The following DTNBP1 variants were observed in gnomAD, a reference collection of about 807,000 sequenced individuals.
DTNBP1 encodes dysbindin.
Under a neutral mutation model 42.8 loss-of-function variants are expected in DTNBP1, and 35 were observed. The observed-to-expected ratio is 0.82, with a 90% CI of 0.63 to 1.09. The LOEUF is 1.09. Ranked by LOEUF, DTNBP1 falls within the 50% of genes least tolerant of loss-of-function variation. The pLI is 0.00. For missense variants in DTNBP1, 457 were observed against 424.2 expected, an observed-to-expected ratio of 1.08 and a Z score of -0.68; for synonymous variants, 171 against 162.2, an observed-to-expected ratio of 1.05 and a Z score of -0.41.
chr6:15,579,070 A>G (rs532286601), intron 7 of DTNBP1, among the ~76,000 whole-genome samples: 2 of 152,390 alleles, frequency 1.3e-5, no homozygotes, highest in South Asian at 4.1e-4. Flanking sequence ...AAAGAAAATC[A>G]GTATTTTGAT....
intron 7 of DTNBP1, among the ~76,000 whole-genome samples, chr6:15,555,985 G>A (rs1013869760): frequency 1.3e-5 from 2 of 152,116 alleles, no homozygotes; most frequent in African/African-American, 4.8e-5. Context: ...AGAATAGACT[G>A]CAGCACTAAT....
intron 6 of DTNBP1, among the ~76,000 whole-genome samples, chr6:15,601,954 C>T (rs896401664): frequency 5.9e-5 from 9 of 151,864 alleles, no homozygotes; most frequent in Non-Finnish European, 2.9e-5. Flanking sequence ...AAATGTCCCT[C>T]TTTGAAATCC....
chr6:15,643,375 G>C (rs1268699800), intron 3 of DTNBP1, among the ~76,000 whole-genome samples: 1 of 152,106 alleles, frequency 6.6e-6, no homozygotes, highest in Non-Finnish European at 1.5e-5. Context: ...ACATATTTGA[G>C]GGAATAATCC....
intron 7 of DTNBP1, among the ~76,000 whole-genome samples, chr6:15,575,443 C>G (rs759867719): frequency 3.3e-5 from 5 of 152,204 alleles, no homozygotes; most frequent in African/African-American, 1.2e-4. Flanking sequence ...CACAGAACAA[C>G]TTCTCTTTAA....
chr6:15,660,866 T>A (rs982630035), intron 1 of DTNBP1, among the ~76,000 whole-genome samples: 1 of 152,118 alleles, frequency 6.6e-6, no homozygotes, highest in African/African-American at 2.4e-5. Flanking sequence ...AGGAATTCCA[T>A]GAAGTACTAA....
At chr6:15,584,252 T>C (rs1308863391) in intron 7 of DTNBP1, among the ~76,000 whole-genome samples, 2 of 152,138 alleles carry the variant, frequency 1.3e-5, no homozygotes, top group Non-Finnish European at 2.9e-5. Flanking sequence ...AGCAATTTCT[T>C]AGATGAATGA....
At chr6:15,569,953 G>A (rs1474660104) in intron 7 of DTNBP1, among the ~76,000 whole-genome samples, 3 of 151,936 alleles carry the variant, frequency 2.0e-5, no homozygotes, top group African/African-American at 7.3e-5. Flanking sequence ...CCATGAAGGT[G>A]TCCGCCCACC....
At chr6:15,530,271 C>T (rs1772723750) in intron 8 of DTNBP1, among the ~76,000 whole-genome samples, 1 of 152,204 alleles carries the variant, frequency 6.6e-6, no homozygotes, top group Non-Finnish European at 1.5e-5. Context: ...CGGCTCTGCA[C>T]AGACGTGCGA....
intron 3 of DTNBP1, among the ~76,000 whole-genome samples, chr6:15,648,923 C>T (rs1286179983): frequency 1.3e-5 from 2 of 151,910 alleles, no homozygotes; most frequent in Non-Finnish European, 2.9e-5. Context: ...ACAGCCAAAA[C>T]AATCTTGACA....
At chr6:15,618,021 G>A (rs1758813714) in intron 5 of DTNBP1, among the ~76,000 whole-genome samples, 1 of 152,078 alleles carries the variant, frequency 6.6e-6, no homozygotes, top group Non-Finnish European at 1.5e-5. Flanking sequence ...CCCTAGTACT[G>A]GGACTGCTGG....
chr6:15,621,101 T>G (rs1254535280), intron 5 of DTNBP1, among the ~76,000 whole-genome samples: 1 of 152,192 alleles, frequency 6.6e-6, no homozygotes, highest in Non-Finnish European at 1.5e-5. Context: ...GTCAACAACA[T>G]TTTCATTTTT....
At chr6:15,598,466 T>A (rs1776597307) in intron 6 of DTNBP1, among the ~76,000 whole-genome samples, 1 of 152,136 alleles carries the variant, frequency 6.6e-6, no homozygotes, top group Admixed American at 6.5e-5. Context: ...TAGGGGAAAT[T>A]TTTTTTAAGC....
At chr6:15,595,076 T>C (rs1776455851) in intron 6 of DTNBP1, 1 of 455,980 alleles carries the variant, frequency 2.2e-6, no homozygotes, top group Non-Finnish European at 4.4e-6. Flanking sequence ...CAGCATCTTC[T>C]GGGCATCCTC....
chr6:15,540,522 T>C (rs1773494104), intron 7 of DTNBP1, among the ~76,000 whole-genome samples: 1 of 152,240 alleles, frequency 6.6e-6, no homozygotes, highest in African/African-American at 2.4e-5. Flanking sequence ...AAAAGTTTGA[T>C]TCTCTCGTGT....
intron 7 of DTNBP1, among the ~76,000 whole-genome samples, chr6:15,588,404 A>G (rs1337035861): frequency 6.6e-6 from 1 of 152,240 alleles, no homozygotes; most frequent in Non-Finnish European, 1.5e-5. Context: ...GGACTCTATC[A>G]GCTACAATAA....
At chr6:15,657,146 T>G (rs1422832569) in intron 1 of DTNBP1, among the ~76,000 whole-genome samples, 2 of 152,176 alleles carry the variant, frequency 1.3e-5, no homozygotes, top group Non-Finnish European at 2.9e-5. Flanking sequence ...AAAGATGAAT[T>G]TAGACTATCT....
In DTNBP1 at chr6:15,628,398, C is replaced by CTTTTT. The variant is rs70996561; in HGVS notation, c.223-928_223-924dup. 2.0e-3 allele frequency among the ~76,000 whole-genome samples: 155 copies of CTTTTT among 77,062 alleles called. 3 individuals are homozygous for CTTTTT. The highest frequency in any genetic ancestry group is 3.7e-3 in the African/African-American group (70 of 18,788). The allele number at this position is 77,062 out of a possible 152,430, so 50.6% of individuals were successfully genotyped here. ...ATTTGTACATCTCAAGATTAAGGTT[C>CTTTTT]TTTTTTTTTTTTTTTTTTTTTTTTG... On this transcript the variant is annotated intron_variant, in intron 4 of 9. Transcript: ENST00000344537.
chr6:15,639,013 C>T (rs965892212), intron 3 of DTNBP1, among the ~76,000 whole-genome samples: 6 of 151,698 alleles, frequency 4.0e-5, no homozygotes, highest in Non-Finnish European at 8.8e-5. Context: ...CAGTACTCTT[C>T]GAAAGTACTG....
intron 5 of DTNBP1, among the ~76,000 whole-genome samples, chr6:15,617,818 A>C (rs1758801512): frequency 6.6e-6 from 1 of 152,202 alleles, no homozygotes. Context: ...GGTTTGGACA[A>C]AGATTTTATG....
Sources: allele counts gnomAD v4.1 joint callset (sites outside exome capture counted in the v4.1 genomes callset), GRCh38; gene constraint gnomAD v4.1.1; transcripts MANE v1.5; gene names NCBI Gene and HGNC (gene_info 2026-07-23, HGNC 2026-07-21).